Variants in MNAT1 observed in about 807,000 individuals in gnomAD.
The protein encoded by MNAT1 is MNAT1 component of CDK activating kinase, also known as CDK-activating kinase assembly factor MAT1.
In MNAT1, 43 loss-of-function variants were observed where a neutral mutation model predicts 42.0. The ratio of observed to expected loss-of-function variants is 1.02; its 90% CI spans 0.80 to 1.32. The LOEUF (loss-of-function observed/expected upper bound fraction) is 1.32. Among genes scored for constraint, MNAT1 ranks in the 40% most tolerant of loss-of-function variants. The pLI, the probability that MNAT1 is intolerant of heterozygous loss-of-function variation, is 0.00. For missense variants in MNAT1, 306 were observed against 350.4 expected, an observed-to-expected ratio of 0.87 and a Z score of 1.01; for synonymous variants, 118 against 120.0, an observed-to-expected ratio of 0.98 and a Z score of 0.11.
chr14:60,926,737 A>T (rs923939120), intron 7 of MNAT1, among the ~76,000 whole-genome samples: 7 of 152,100 alleles, frequency 4.6e-5, no homozygotes, highest in Admixed American at 1.3e-4. Flanking sequence ...AGGCTTAATT[A>T]TGTAGGCTCT....
At chr14:60,950,932 T>C (rs1406237776) in intron 7 of MNAT1, among the ~76,000 whole-genome samples, 1 of 152,190 alleles carries the variant, frequency 6.6e-6, no homozygotes, top group African/African-American at 2.4e-5. Context: ...AAATAAATAT[T>C]TATGTTGCTA....
chr14:60,961,819 T>G (rs988070496), intron 7 of MNAT1, among the ~76,000 whole-genome samples: 3 of 152,186 alleles, frequency 2.0e-5, no homozygotes, highest in African/African-American at 7.2e-5. Flanking sequence ...GGAGATAAAT[T>G]ACTCATCCTG....
intron 4 of MNAT1, among the ~76,000 whole-genome samples, chr14:60,810,614 G>A (rs1020851174): frequency 6.6e-6 from 1 of 152,070 alleles, no homozygotes; most frequent in Non-Finnish European, 1.5e-5. Context: ...TTATTTGAGT[G>A]TATTGTTTAA....
At chr14:60,896,676 G>A (rs1203873484) in intron 7 of MNAT1, among the ~76,000 whole-genome samples, 2 of 151,910 alleles carry the variant, frequency 1.3e-5, no homozygotes, top group African/African-American at 4.8e-5. Flanking sequence ...TAGTAGAGAC[G>A]GGGTTTCACC....
At chr14:60,961,253 C>T (rs564906721) in intron 7 of MNAT1, among the ~76,000 whole-genome samples, 9 of 152,210 alleles carry the variant, frequency 5.9e-5, no homozygotes, top group East Asian at 1.9e-4. Context: ...TGAGCCACCG[C>T]GCCCGGCCAT....
rs569995339 is a variant in MNAT1, at chr14:60,740,869, G to A, written c.89+5918G>A. On this transcript the variant is annotated intron_variant, in intron 1 of 7. Transcript: ENST00000261245. This position sits in a 1 kb window ranked among gnomAD's most constrained non-coding sequence, Gnocchi z 4.1. ...GTGTAGTGTAGTATAAGTTATAAAC[G>A]TGGTACATATTACCATACCCATCTT... Among the ~76,000 whole-genome samples the A allele has an allele frequency of 8.5e-5, 13 of 152,218 alleles. No homozygotes were observed. Among genetic ancestry groups the A allele is most frequent in the African/African-American group, 2.6e-4 (11 of 41,540 alleles).
chr14:60,931,943 TTAAG>T (rs2035895075), intron 7 of MNAT1, among the ~76,000 whole-genome samples: 1 of 152,020 alleles, frequency 6.6e-6, no homozygotes, highest in Non-Finnish European at 1.5e-5. Context: ...ATTTTGAGAA[TTAAG>T]TGTGTTATTT....
At chr14:60,926,674 A>G (rs1023536974) in intron 7 of MNAT1, among the ~76,000 whole-genome samples, 1 of 152,156 alleles carries the variant, frequency 6.6e-6, no homozygotes, top group African/African-American at 2.4e-5. Context: ...GGATCTCCAC[A>G]AGTTCAGCTG....
chr14:60,870,326 G>A (rs1377106310), intron 6 of MNAT1, among the ~76,000 whole-genome samples: 4 of 152,046 alleles, frequency 2.6e-5, no homozygotes, highest in South Asian at 2.1e-4. Flanking sequence ...GTTTGCATGC[G>A]TTTCCCCCCA....
intron 1 of MNAT1, among the ~76,000 whole-genome samples, chr14:60,753,095 T>G (rs951613344): frequency 1.3e-5 from 2 of 152,198 alleles, no homozygotes; most frequent in Non-Finnish European, 2.9e-5. Context: ...GTCTAACAAA[T>G]TATCCTAAAA....
chr14:60,849,311 T>C (rs1200792918), intron 6 of MNAT1, among the ~76,000 whole-genome samples: 2 of 152,196 alleles, frequency 1.3e-5, no homozygotes, highest in Middle Eastern at 3.2e-3. Flanking sequence ...CGTTCCTTCT[T>C]ACAGATCATT....
At chr14:60,872,869 C>CACATAT (rs1006134171) in intron 6 of MNAT1, among the ~76,000 whole-genome samples, 6 of 139,122 alleles carry the variant, frequency 4.3e-5, no homozygotes, top group African/African-American at 1.6e-4. Flanking sequence ...CACACACACA[C>CACATAT]ATATATATAT....
At chr14:60,912,420 T>C (rs1594864080) in intron 7 of MNAT1, among the ~76,000 whole-genome samples, 6 of 152,344 alleles carry the variant, frequency 3.9e-5, no homozygotes, top group African/African-American at 9.6e-5. Flanking sequence ...CTAGCCTTGA[T>C]AGTCTTTACA....
At chr14:60,928,076 T>G (rs768463591) in intron 7 of MNAT1, among the ~76,000 whole-genome samples, 3 of 152,194 alleles carry the variant, frequency 2.0e-5, no homozygotes, top group Non-Finnish European at 2.9e-5. Context: ...CTCTTTTTTG[T>G]CTCCACAGAC....
At chr14:60,846,240 G>T (rs971237138) in intron 6 of MNAT1, among the ~76,000 whole-genome samples, 2 of 151,598 alleles carry the variant, frequency 1.3e-5, no homozygotes, top group Non-Finnish European at 2.9e-5. Flanking sequence ...CTTCTAAGTT[G>T]AATTTCTGTA....
chr14:60,742,067 T>G (rs1415412322), intron 1 of MNAT1, among the ~76,000 whole-genome samples: 1 of 151,906 alleles, frequency 6.6e-6, no homozygotes, highest in Non-Finnish European at 1.5e-5. Flanking sequence ...GCCGGTAGCT[T>G]TTTATTTTTT....
At chr14:60,924,396 A>C (rs1054163131) in intron 7 of MNAT1, among the ~76,000 whole-genome samples, 94 of 151,906 alleles carry the variant, frequency 6.2e-4, no homozygotes, top group Middle Eastern at 3.4e-3. Context: ...AAAAAAAAAA[A>C]AAAAAACTGT....
rs185034237 is a variant in MNAT1 at position 60,779,703 on chromosome 14, T to C, written c.90-16514T>C. ...CAGGAGGCTGAGGCAGGGGAATCGC[T>C]TGAACCCGGGAGGTGGAGATTGCAG... is the stretch of plus-strand genomic sequence containing the variant. On this transcript the variant is annotated intron_variant, in intron 1 of 7. Coordinates refer to ENST00000261245, the MANE Select transcript of MNAT1 (RefSeq NM_002431.4). Among the ~76,000 whole-genome samples the C allele has an allele frequency of 4.3e-3, 658 of 151,990 alleles. 1 individual carries two copies. The highest frequency in any genetic ancestry group is 0.015 in the African/African-American group (629 of 41,460).
At chr14:60,826,729 A>G (rs2033068360) in intron 6 of MNAT1, among the ~76,000 whole-genome samples, 1 of 152,066 alleles carries the variant, frequency 6.6e-6, no homozygotes, top group Non-Finnish European at 1.5e-5. Context: ...ATTTTGATCT[A>G]TTTGGTTCAA....
Sources: allele counts gnomAD v4.1 joint callset (sites outside exome capture counted in the v4.1 genomes callset), GRCh38; gene constraint gnomAD v4.1.1; non-coding constraint Gnocchi (gnomAD v3.1); transcripts MANE v1.5; gene names NCBI Gene and HGNC (gene_info 2026-07-23, HGNC 2026-07-21).